NANOGNB: variants seen among roughly 807,000 people sequenced by gnomAD.
The protein encoded by NANOGNB is homeobox C14.
A neutral mutation model predicts 25.0 loss-of-function variants in NANOGNB; 30 were observed. The observed-to-expected ratio is 1.20, with a 90% confidence interval of 0.90 to 1.63. The LOEUF (loss-of-function observed/expected upper bound fraction) is 1.63, where lower values mean the gene tolerates loss of function less well. Ranked by LOEUF, NANOGNB falls within the 40% of genes most tolerant of loss-of-function variation. The pLI is 0.00. For synonymous variants in NANOGNB, 84 were observed against 62.1 expected, an observed-to-expected ratio of 1.35 and a Z score of -1.66; for missense variants, 200 against 188.1, an observed-to-expected ratio of 1.06 and a Z score of -0.37.
intron 3 of NANOGNB, 21 bp from the exon 4 acceptor site, chr12:7,773,779 T>TC: frequency 1.6e-6 from 1 of 637,256 alleles, no homozygotes; most frequent in Non-Finnish European, 2.8e-6. Context: ...AACTCTTTTT[T>TC]TTTTTTTTTT....
chr12:7,768,196 T>C (rs987892529), intron 1 of NANOGNB, among the ~76,000 whole-genome samples: 16 of 152,164 alleles, frequency 1.1e-4, no homozygotes, highest in Non-Finnish European at 1.6e-4. Context: ...ATTGAGATGA[T>C]TGCATGTTTT....
intron 3 of NANOGNB, among the ~76,000 whole-genome samples, chr12:7,772,353 C>T (rs1862579474): frequency 1.3e-5 from 2 of 152,068 alleles, no homozygotes; most frequent in African/African-American, 4.8e-5. Flanking sequence ...TCTCGGCTCA[C>T]TGCAAGCTCT....
chr12:7,771,169 C>T (rs756321282), intron 3 of NANOGNB, among the ~76,000 whole-genome samples: 4 of 152,254 alleles, frequency 2.6e-5, no homozygotes, highest in Admixed American at 2.0e-4. Flanking sequence ...GTGGCAAAAG[C>T]TCATGTGATT....
At chr12:7,769,117 A>G (rs1865270422) in intron 1 of NANOGNB, among the ~76,000 whole-genome samples, 1 of 152,096 alleles carries the variant, frequency 6.6e-6, no homozygotes, top group Non-Finnish European at 1.5e-5. Context: ...AGACAGTTCC[A>G]AGATTGCGTA....
Position 7,770,172 on chromosome 12 carries a change from GAGAAAC to G in NANOGNB, c.301_306del (p.Lys101_Gln102del). The G allele has an allele frequency of 6.4e-7, 1 of 1,551,606 alleles. No individual in the cohort carries two copies. The highest frequency in any genetic ancestry group is 8.7e-7 in the Non-Finnish European group (1 of 1,146,870). On this transcript the variant is annotated inframe_deletion, in exon 2 of 4. Transcript: ENST00000382119. Reference sequence around the variant, plus strand: ...GGAAAACAAAAGGAAAAGGGAAAATGAGAAACAGAAACAGTATCCCGAGAAAAGATT... The same window carrying G: ...GGAAAACAAAAGGAAAAGGGAAAATGAGAAACAGTATCCCGAGAAAAGATT...
chr12:7,767,479 A>G (rs1831821521), intron 1 of NANOGNB, among the ~76,000 whole-genome samples: 1 of 151,586 alleles, frequency 6.6e-6, no homozygotes, highest in Non-Finnish European at 1.5e-5. Context: ...CGGACAGATC[A>G]CTGAAGCTGA....
Position 7,768,824 on chromosome 12 carries a change from G to T in NANOGNB, c.103-1159G>T, listed in dbSNP as rs749085047. Among the ~76,000 whole-genome samples the T allele has an allele frequency of 1.6e-4, 24 of 152,028 alleles. No homozygotes were observed. The Middle Eastern group carries it at 0.01, about 65-fold the overall frequency. ...TGGGATTACAGGCGTGAGCCACCGCGCCCGGCCGGCATATTTCTTTTCTTT... is the reference window on the plus strand; with the variant it reads ...TGGGATTACAGGCGTGAGCCACCGCTCCCGGCCGGCATATTTCTTTTCTTT... On this transcript the variant is annotated intron_variant, in intron 1 of 3. Coordinates refer to ENST00000382119, the MANE Select transcript of NANOGNB (RefSeq NM_001145465.1).
At chr12:7,767,970 C>T (rs941077957) in intron 1 of NANOGNB, among the ~76,000 whole-genome samples, 3 of 152,110 alleles carry the variant, frequency 2.0e-5, no homozygotes, top group Non-Finnish European at 2.9e-5. Flanking sequence ...GCCTCGGCCT[C>T]CCAAAGTGCT....
Position 7,770,531 on chromosome 12 carries a change from T to G in NANOGNB, c.515+13T>G. On this transcript the variant is annotated intron_variant, in intron 3 of 3. Transcript: ENST00000382119. ...AAAAACATATGAGGTAAGAAAGTGT[T>G]TCTTGTAAAATAAAAGGAAGTAGAA... 7.0e-7 allele frequency: 1 copy of G among 1,422,380 alleles called. No homozygotes were observed. The highest frequency in any genetic ancestry group is 1.4e-5 in the African/African-American group (1 of 69,582). The allele number at this position is 1,422,380 out of a possible 1,614,324, so 88.1% of individuals were successfully genotyped here.
At chr12:7,773,018 T>C (rs1333999988) in intron 3 of NANOGNB, among the ~76,000 whole-genome samples, 3 of 152,100 alleles carry the variant, frequency 2.0e-5, no homozygotes, top group African/African-American at 7.2e-5. Context: ...AGGAAGCGTA[T>C]ATTTTCAGTT....
At position 7,770,267 on chromosome 12, in the gene NANOGNB, A is replaced by G. The variant is rs1294583298; in HGVS notation, c.387A>G (p.Ile129Met). 3 of 1,542,894 alleles carry G rather than the reference A, an allele frequency of 1.9e-6. No individual in the cohort carries two copies. In the East Asian group the frequency reaches 7.3e-5, roughly 38 times the overall value. The stretch of plus-strand genomic sequence containing the variant: ...TTAAGTTAAACAGGTGCCCCACTAT[A>G]CAAGAGAGTCTATCACTGTCATTTG... ...AKFKLNRCPTIQESLSLSFEF... is the reference protein window; with the variant it reads ...AKFKLNRCPTMQESLSLSFEF... Residue 129 changes from isoleucine (I) to methionine (M), a missense_variant, in exon 2 of 4, where the codon ATA becomes ATG. Transcript: ENST00000382119.
At chr12:7,768,034 A>G (rs1315848626) in intron 1 of NANOGNB, among the ~76,000 whole-genome samples, 4 of 152,090 alleles carry the variant, frequency 2.6e-5, no homozygotes, top group African/African-American at 7.2e-5. Flanking sequence ...TGTTTTCAAT[A>G]TTCATCCATG....
At chr12:7,765,569 C>CAAAAAAAAAAAAA (rs1187331161) in intron 1 of NANOGNB, among the ~76,000 whole-genome samples, 182 bp downstream of exon 1, 17 of 48,668 alleles carry the variant, frequency 3.5e-4, no homozygotes, top group African/African-American at 9.1e-4. Flanking sequence ...GACTCCGTCT[C>CAAAAAAAAAAAAA]AAAAAAAAAA....
At chr12:7,772,190 G>C (rs984149418) in intron 3 of NANOGNB, among the ~76,000 whole-genome samples, 1 of 152,208 alleles carries the variant, frequency 6.6e-6, no homozygotes, top group African/African-American at 2.4e-5. Context: ...AGCCAGTGCA[G>C]GGAAATTGGC....
Position 7,771,741 on chromosome 12 carries a change from C to T in NANOGNB, c.515+1223C>T, listed in dbSNP as rs752663667. ...GTTCAAGCGATTCTCCTGCCTCAGC[C>T]TCCCGAGTAGCCGGGGTTACAGGCA... On this transcript the variant is annotated intron_variant, in intron 3 of 3. Coordinates refer to ENST00000382119, the MANE Select transcript of NANOGNB (RefSeq NM_001145465.1). Among the ~76,000 whole-genome samples the T allele has an allele frequency of 9.9e-5, 15 of 152,264 alleles. No homozygotes were observed. The South Asian group carries it at 3.1e-3, about 32-fold the overall frequency.
At chr12:7,771,598 A>G (rs1362484561) in intron 3 of NANOGNB, among the ~76,000 whole-genome samples, 1 of 151,816 alleles carries the variant, frequency 6.6e-6, no homozygotes, top group Non-Finnish European at 1.5e-5. Flanking sequence ...AGAAATGTTT[A>G]AATATTATCT....
intron 3 of NANOGNB, among the ~76,000 whole-genome samples, chr12:7,773,304 CTTTCT>C (rs1862602486): frequency 6.6e-6 from 1 of 151,642 alleles, no homozygotes; most frequent in Non-Finnish European, 1.5e-5. Context: ...GCCTCCATAA[CTTTCT>C]TACCACTTTG....
intron 3 of NANOGNB, among the ~76,000 whole-genome samples, chr12:7,773,120 G>T (rs1374268650): frequency 3.8e-5 from 5 of 132,592 alleles, no homozygotes; most frequent in Admixed American, 8.0e-5. Context: ...AACTGTGATA[G>T]TTTTTTTTTT....
chr12:7,773,309 T>C (rs1862602556), intron 3 of NANOGNB, among the ~76,000 whole-genome samples: 1 of 151,672 alleles, frequency 6.6e-6, no homozygotes, highest in African/African-American at 2.4e-5. Flanking sequence ...CATAACTTTC[T>C]TACCACTTTG....
Sources: allele counts gnomAD v4.1 joint callset (sites outside exome capture counted in the v4.1 genomes callset), GRCh38; gene constraint gnomAD v4.1.1; transcripts MANE v1.5; gene names NCBI Gene and HGNC (gene_info 2026-07-23, HGNC 2026-07-21).